KLHDC4: variants seen among roughly 807,000 people sequenced by gnomAD.
KLHDC4 encodes kelch domain containing 4, also known as kelch domain-containing protein 4.
A neutral mutation model predicts 62.4 loss-of-function variants in KLHDC4; 90 were observed. The observed-to-expected ratio is 1.44, with a 90% CI of 1.22 to 1.72. KLHDC4 has a LOEUF of 1.72. Among genes scored for constraint, KLHDC4 ranks in the 40% most tolerant of loss-of-function variants. The pLI is 0.00. For synonymous variants in KLHDC4, 386 were observed against 284.4 expected (o/e 1.36, Z -3.59); for missense variants, 1,025 against 699.7 (o/e 1.47, Z -5.25).
intron 4 of KLHDC4, among the ~76,000 whole-genome samples, chr16:87,753,922 G>A (rs181375499): frequency 6.0e-4 from 87 of 145,018 alleles, no homozygotes; most frequent in African/African-American, 2.3e-3. Flanking sequence ...GTAGTGAGAT[G>A]AGATCACACC....
downstream of KLHDC4, among the ~76,000 whole-genome samples, chr16:87,705,114 G>T (rs1413705529): frequency 2.0e-5 from 3 of 152,234 alleles, no homozygotes; most frequent in Non-Finnish European, 4.4e-5. Flanking sequence ...CTTCCTAACA[G>T]CCAGCAGCTC....
intron 7 of KLHDC4, among the ~76,000 whole-genome samples, chr16:87,722,721 GT>G (rs1056295082): frequency 1.5e-4 from 23 of 152,248 alleles, no homozygotes; most frequent in African/African-American, 5.5e-4. Flanking sequence ...GACCATGGGG[GT>G]TCTGCATAGA....
At chr16:87,738,477 T>C (rs1409443996) in intron 5 of KLHDC4, among the ~76,000 whole-genome samples, 2 of 152,080 alleles carry the variant, frequency 1.3e-5, no homozygotes, top group African/African-American at 4.8e-5. Flanking sequence ...ACAGCAACAC[T>C]GCAAGAGCAG....
intron 7 of KLHDC4, among the ~76,000 whole-genome samples, chr16:87,718,159 G>C (rs78191288): frequency 0.014 from 2,121 of 152,294 alleles, 53 homozygotes; most frequent in African/African-American, 0.049. Flanking sequence ...TGTCTTCAAA[G>C]AAAGTAACAG....
chr16:87,715,081 A>C (rs928621024), intron 7 of KLHDC4, among the ~76,000 whole-genome samples: 15 of 152,148 alleles, frequency 9.9e-5, no homozygotes, highest in African/African-American at 3.6e-4. Flanking sequence ...TTCTGCCTCA[A>C]GTGAGCCTCA....
In KLHDC4 at chr16:87,758,091, T is replaced by G. The variant is rs550788905; in HGVS notation, c.192-1614A>C. ...AAACAGGTTTCAAGGTCAAGTGAGT[T>G]TGGGAAATCTGAGAACTCTATTTTC... On this transcript the variant is annotated intron_variant, in intron 2 of 11. Coordinates refer to ENST00000270583, the MANE Select transcript of KLHDC4 (RefSeq NM_017566.4). Among the ~76,000 whole-genome samples, 756 of 152,276 alleles carry G rather than the reference T, an allele frequency of 5.0e-3. 4 individuals carry two copies. The highest frequency in any genetic ancestry group is 6.6e-3 in the Non-Finnish European group (448 of 68,022).
exon 1 of KLHDC4, chr16:87,702,336 G>C: frequency 2.2e-6 from 1 of 454,732 alleles, no homozygotes; most frequent in East Asian, 7.0e-5. Flanking sequence ...CAGGCTGAGA[G>C]AGGAAGATGG....
At chr16:87,717,505 G>C (rs953027440) in intron 7 of KLHDC4, among the ~76,000 whole-genome samples, 1 of 152,232 alleles carries the variant, frequency 6.6e-6, no homozygotes, top group Non-Finnish European at 1.5e-5. Flanking sequence ...CATATGGAGA[G>C]TGACCTGAAT....
exon 1 of KLHDC4, chr16:87,701,773 G>C (rs138638908): frequency 2.2e-6 from 1 of 456,582 alleles, no homozygotes; most frequent in Non-Finnish European, 4.4e-6. Flanking sequence ...GTGCACACCC[G>C]TCCGCCATCC....
rs1280542302 is a variant in KLHDC4 at position 87,759,555 on chromosome 16, T to C, written c.191+2394A>G. Among the ~76,000 whole-genome samples, 10 of 152,330 alleles carry C rather than the reference T, an allele frequency of 6.6e-5. No homozygotes were observed. The East Asian group carries it at 1.9e-3, about 29-fold the overall frequency. On this transcript the variant is annotated intron_variant, in intron 2 of 11. Coordinates refer to ENST00000270583, the MANE Select transcript of KLHDC4 (RefSeq NM_017566.4). ...TAAGGTCGGGAGTTCAAGACCAGCCTGACCAACACGGAGAAACTCCGTCTC... is the reference window on the plus strand; with the variant it reads ...TAAGGTCGGGAGTTCAAGACCAGCCCGACCAACACGGAGAAACTCCGTCTC...
At chr16:87,702,146 A>C (rs1244013117) in exon 1 of KLHDC4, 2 of 456,148 alleles carry the variant, frequency 4.4e-6, no homozygotes, top group Non-Finnish European at 8.8e-6. Flanking sequence ...ACAGACCGGG[A>C]GATTCCAGCA....
chr16:87,700,857 G>C (rs78344547), exon 1 of KLHDC4: 2,922 of 254,300 alleles, frequency 0.011, 66 homozygotes, highest in African/African-American at 0.066. Context: ...GGAGGTTGGA[G>C]GGTGGAGGGA....
exon 1 of KLHDC4, chr16:87,701,765 G>A (rs1176189825): frequency 4.4e-6 from 2 of 456,766 alleles, no homozygotes; most frequent in South Asian, 1.5e-5. Flanking sequence ...TCCCAAGCGT[G>A]CACACCCGTC....
chr16:87,726,885 C>G lies in KLHDC4; in HGVS notation c.639G>C (p.Leu213=). Residue 213 remains leucine, a synonymous_variant, in exon 7 of 12, where the codon CTG becomes CTC. Coordinates refer to ENST00000270583, the MANE Select transcript of KLHDC4 (RefSeq NM_017566.4). ...ACAGCTTGCTCCATGTGAAGGTGTC[C>G]AGATTAAAGGCATACACGTCGTTGT... ...IYYNDVYAFN[L]DTFTWSKLSP... 6.2e-7 allele frequency: 1 copy of G among 1,613,856 alleles called. No homozygotes were observed. Among genetic ancestry groups the G allele is most frequent in the Non-Finnish European group, 8.5e-7 (1 of 1,179,898 alleles).
At chr16:87,753,842 G>A (rs996973755) in intron 4 of KLHDC4, among the ~76,000 whole-genome samples, 11 of 151,590 alleles carry the variant, frequency 7.3e-5, no homozygotes, top group Middle Eastern at 3.4e-3. Flanking sequence ...GCGTGGTGGC[G>A]GGTACCTGTA....
chr16:87,733,745 C>A (rs1249230464), intron 5 of KLHDC4, among the ~76,000 whole-genome samples: 1 of 144,864 alleles, frequency 6.9e-6, no homozygotes, highest in Non-Finnish European at 1.5e-5. Flanking sequence ...ACCTGCCTCT[C>A]CTCCTACTTA....
chr16:87,748,915 G>A (rs1401310022), intron 4 of KLHDC4, 106 bp from the exon 5 acceptor site: 4 of 1,305,830 alleles, frequency 3.1e-6, no homozygotes, highest in Non-Finnish European at 4.1e-6. Context: ...CGGATGCCCT[G>A]CAACATGACC....
exon 1 of KLHDC4, chr16:87,701,472 G>A (rs74039477): frequency 0.011 from 3,883 of 352,162 alleles, 140 homozygotes; most frequent in African/African-American, 0.075. Context: ...CGGCCACAGC[G>A]TTCATGCCAG....
chr16:87,711,468 G>C (rs2035816385), intron 8 of KLHDC4, 25 bp from the exon 9 acceptor site: 6 of 1,587,032 alleles, frequency 3.8e-6, no homozygotes, highest in South Asian at 1.1e-5. Context: ...CAAGGAAGTG[G>C]GATAAGAACA....
Sources: allele counts gnomAD v4.1 joint callset (sites outside exome capture counted in the v4.1 genomes callset), GRCh38; gene constraint gnomAD v4.1.1; transcripts MANE v1.5; gene names NCBI Gene and HGNC (gene_info 2026-07-23, HGNC 2026-07-21).